Variants in GPC5 observed in about 807,000 individuals in gnomAD.
GPC5 encodes glypican 5, also known as glypican-5.
GPC5 carries 47 observed loss-of-function variants against 53.9 expected under a neutral mutation model. That is an observed-to-expected ratio of 0.87 (90% CI 0.69 to 1.11). GPC5 has a LOEUF of 1.11. GPC5 is among the 50% of genes most tolerant of loss of function. GPC5 has a pLI of 0.00. For missense variants in GPC5, 748 were observed against 713.1 expected (o/e 1.05, Z -0.56); for synonymous variants, 286 against 263.3 (o/e 1.09, Z -0.84).
At chr13:91,613,867 A>G (rs1793818447) in intron 2 of GPC5, among the ~76,000 whole-genome samples, 1 of 152,194 alleles carries the variant, frequency 6.6e-6, no homozygotes, top group Non-Finnish European at 1.5e-5. Context: ...TTGAGAGAGA[A>G]GACTGAGTCC....
At chr13:91,499,862 A>G (rs925773083) in intron 2 of GPC5, among the ~76,000 whole-genome samples, 1 of 152,240 alleles carries the variant, frequency 6.6e-6, no homozygotes, top group African/African-American at 2.4e-5. Flanking sequence ...ATTGATTTAC[A>G]TATAAAAATT....
At chr13:91,663,535 G>A (rs980418778) in intron 2 of GPC5, among the ~76,000 whole-genome samples, 3 of 152,112 alleles carry the variant, frequency 2.0e-5, no homozygotes, top group African/African-American at 7.2e-5. Context: ...AAAGCTCACT[G>A]TAACTTCATA....
intron 7 of GPC5, among the ~76,000 whole-genome samples, chr13:92,292,421 G>A (rs1373635028): frequency 6.6e-6 from 1 of 152,124 alleles, no homozygotes. Flanking sequence ...GCATTTCCCT[G>A]ATCATTAGTA....
At chr13:91,966,552 G>T (rs1361603942) in intron 6 of GPC5, among the ~76,000 whole-genome samples, 1 of 152,154 alleles carries the variant, frequency 6.6e-6, no homozygotes, top group Non-Finnish European at 1.5e-5. Flanking sequence ...TTATGTGTAG[G>T]ATATGTTTGC....
At chr13:91,994,278 C>A (rs994545569) in intron 6 of GPC5, among the ~76,000 whole-genome samples, 1 of 152,202 alleles carries the variant, frequency 6.6e-6, no homozygotes, top group African/African-American at 2.4e-5. Context: ...CTAACACATG[C>A]ACTTACCCCC....
intron 6 of GPC5, among the ~76,000 whole-genome samples, chr13:92,099,647 A>G (rs1422219822): frequency 9.9e-5 from 15 of 152,206 alleles, no homozygotes; most frequent in Admixed American, 9.8e-4. Context: ...TGCCTGATGC[A>G]TAGATGAATA....
chr13:92,466,840 T>C (rs1594226576), intron 7 of GPC5, among the ~76,000 whole-genome samples: 1 of 152,064 alleles, frequency 6.6e-6, no homozygotes, highest in African/African-American at 2.4e-5. Flanking sequence ...CATAAAAACG[T>C]TGAGTGAATA....
intron 5 of GPC5, among the ~76,000 whole-genome samples, chr13:91,846,258 A>G (rs1366359084): frequency 1.3e-5 from 2 of 152,090 alleles, no homozygotes; most frequent in East Asian, 3.9e-4. Context: ...TGATTTTACA[A>G]CTTCTCAATT....
Position 92,039,223 on chromosome 13 carries a change from A to G in GPC5, c.1402-105607A>G, listed in dbSNP as rs1290227516. ...GAGTAAGAATTGGAAGAAGCTGGAT[A>G]AAGAAAAGTTGTTATTATGTTTTCC... On this transcript the variant is annotated intron_variant, in intron 6 of 7. Coordinates refer to ENST00000377067, the MANE Select transcript of GPC5 (RefSeq NM_004466.6). Among the ~76,000 whole-genome samples the G allele has an allele frequency of 2.0e-5, 3 of 152,218 alleles. No homozygotes were observed. The East Asian group carries it at 5.8e-4, about 29-fold the overall frequency.
rs185003519 is a variant in GPC5, at chr13:92,578,026, T to G, written c.1562-288256T>G. 1.7e-4 allele frequency among the ~76,000 whole-genome samples: 26 copies of G among 152,236 alleles called. No individual in the cohort carries two copies. In the East Asian group the frequency reaches 4.6e-3, roughly 27 times the overall value. ...TGCAATGAAGGTTTATTTGTGAAAA[T>G]AGTTGTGGTTGCAAATGCTGTAGAA... On this transcript the variant is annotated intron_variant, in intron 7 of 7. Transcript: ENST00000377067.
intron 7 of GPC5, among the ~76,000 whole-genome samples, chr13:92,590,998 C>G (rs970670793): frequency 3.9e-5 from 6 of 152,070 alleles, no homozygotes; most frequent in African/African-American, 7.2e-5. Flanking sequence ...AACTATGTAG[C>G]AGGACCCCAT....
chr13:92,507,970 G>GT (rs1277861572), intron 7 of GPC5, among the ~76,000 whole-genome samples: 1 of 152,010 alleles, frequency 6.6e-6, no homozygotes, highest in Non-Finnish European at 1.5e-5. Flanking sequence ...AATTAATTTA[G>GT]TTTTTTGTTG....
Position 92,476,822 on chromosome 13 carries a change from C to A in GPC5, c.1561+331833C>A, listed in dbSNP as rs1322478125. Among the ~76,000 whole-genome samples the A allele has an allele frequency of 3.2e-4, 45 of 140,232 alleles. 1 individual carries two copies. In the East Asian group the frequency reaches 9.7e-3, roughly 30 times the overall value. 92.0% of individuals were successfully genotyped at this position (140,232 alleles called of 152,430 possible). A position where few individuals can be genotyped will look rare whatever the true frequency, so the allele number is the denominator to read the frequency against. On this transcript the variant is annotated intron_variant, in intron 7 of 7. Coordinates refer to ENST00000377067, the MANE Select transcript of GPC5 (RefSeq NM_004466.6). ...AAAAACCAAACACCGCATATTCTCA[C>A]TCATAGGTGGGAATTGAACAATGAG...
At chr13:91,955,241 C>T (rs2040062404) in intron 6 of GPC5, among the ~76,000 whole-genome samples, 1 of 152,064 alleles carries the variant, frequency 6.6e-6, no homozygotes, top group Non-Finnish European at 1.5e-5. Context: ...GATTCTAAAT[C>T]AATTGGAGGA....
At chr13:91,912,443 A>T (rs1296171774) in intron 6 of GPC5, among the ~76,000 whole-genome samples, 1 of 152,152 alleles carries the variant, frequency 6.6e-6, no homozygotes, top group Non-Finnish European at 1.5e-5. Context: ...GTGAAAAATA[A>T]ATATTGATAC....
At chr13:91,577,153 A>G (rs999362218) in intron 2 of GPC5, among the ~76,000 whole-genome samples, 18 of 152,188 alleles carry the variant, frequency 1.2e-4, no homozygotes, top group African/African-American at 4.3e-4. Flanking sequence ...TTCTCCTGCC[A>G]TAAATTGACT....
rs185885545 is a variant in GPC5 at position 91,542,176 on chromosome 13, C to G, written c.325+93254C>G. 1.1e-4 allele frequency among the ~76,000 whole-genome samples: 17 copies of G among 152,062 alleles called. No homozygotes were observed. The East Asian group carries it at 3.3e-3, about 29-fold the overall frequency. On this transcript the variant is annotated intron_variant, in intron 2 of 7. Transcript: ENST00000377067. ...CTTGCATGAAATTGGGTTTTATTCT[C>G]CTTTTTAAATGTATTTTTTGTTCAC... is the stretch of plus-strand genomic sequence containing the variant.
chr13:91,716,302 C>A (rs1224238584), intron 3 of GPC5, among the ~76,000 whole-genome samples: 3 of 152,056 alleles, frequency 2.0e-5, no homozygotes, highest in Admixed American at 2.0e-4. Flanking sequence ...AGAAAGTATA[C>A]ACTTACAAAC....
chr13:91,499,899 T>A (rs1165275871), intron 2 of GPC5, among the ~76,000 whole-genome samples: 1 of 152,238 alleles, frequency 6.6e-6, no homozygotes, highest in East Asian at 1.9e-4. Context: ...TTTCAAGGGT[T>A]TATTTATTGC....
Sources: gnomAD v4.1 joint callset for allele counts (sites outside exome capture counted in the v4.1 genomes callset) on GRCh38, gnomAD v4.1.1 for gene constraint, MANE v1.5 for transcripts, NCBI Gene and HGNC (gene_info 2026-07-23, HGNC 2026-07-21) for gene names.